The following IL1RAPL2 variants were observed in gnomAD, a reference collection of about 807,000 sequenced individuals.
IL1RAPL2 encodes the protein X-linked interleukin-1 receptor accessory protein-like 2.
In IL1RAPL2, 3 loss-of-function variants were observed where a neutral mutation model predicts 44.1. That is an observed-to-expected ratio of 0.07 (90% CI 0.03 to 0.18). IL1RAPL2 has a LOEUF of 0.18. Among genes scored for constraint, IL1RAPL2 ranks in the 10% least tolerant of loss-of-function variants. IL1RAPL2 has a pLI of 1.00. For synonymous variants in IL1RAPL2, 181 were observed against 178.8 expected, an observed-to-expected ratio of 1.01 and a Z score of -0.10; for missense variants, 391 against 496.4, an observed-to-expected ratio of 0.79 and a Z score of 2.02.
At chrX:105,689,769 G>A (rs934986899) in intron 6 of IL1RAPL2, among the ~76,000 whole-genome samples, 2 of 112,055 alleles carry the variant, frequency 1.8e-5, no homozygotes, top group South Asian at 3.7e-4. Flanking sequence ...ACATGCACAC[G>A]TATGTTTACT....
chrX:104,585,273 A>ATATAT (rs1928500030), intron 1 of IL1RAPL2, among the ~76,000 whole-genome samples: 2 of 17,302 alleles, frequency 1.2e-4, no homozygotes, highest in African/African-American at 1.1e-3. Flanking sequence ...ATAATATATT[A>ATATAT]TATATATTAT....
intron 2 of IL1RAPL2, among the ~76,000 whole-genome samples, chrX:105,033,844 A>G (rs1474549514): frequency 5.4e-5 from 6 of 111,832 alleles, no homozygotes; most frequent in African/African-American, 1.9e-4. Flanking sequence ...CATTCTCCCC[A>G]TCACTTTCAG....
intron 2 of IL1RAPL2, among the ~76,000 whole-genome samples, chrX:105,160,866 G>A (rs1015288436): frequency 7.2e-5 from 8 of 111,625 alleles, no homozygotes; most frequent in East Asian, 2.8e-4. Flanking sequence ...GAAAATTTGC[G>A]CTTCTGGTCA....
At chrX:105,759,060 C>A (rs1325610663) in intron 10 of IL1RAPL2, among the ~76,000 whole-genome samples, 1 of 111,814 alleles carries the variant, frequency 8.9e-6, no homozygotes, top group African/African-American at 3.3e-5. Flanking sequence ...CAATTGAGAT[C>A]CTGAGATTGG....
chrX:104,922,374 A>G (rs1924668124), intron 2 of IL1RAPL2, among the ~76,000 whole-genome samples: 1 of 112,779 alleles, frequency 8.9e-6, no homozygotes, highest in Admixed American at 9.3e-5. Context: ...ACTGGCCACT[A>G]GGGTGAACTG....
intron 6 of IL1RAPL2, among the ~76,000 whole-genome samples, chrX:105,521,104 T>A (rs2036554321): frequency 9.6e-6 from 1 of 103,724 alleles, no homozygotes; most frequent in Middle Eastern, 4.8e-3. Flanking sequence ...CCGGCTAATT[T>A]TTTTTTTTTT....
chrX:104,950,581 C>T (rs749034174), intron 2 of IL1RAPL2, among the ~76,000 whole-genome samples: 1 of 112,890 alleles, frequency 8.9e-6, no homozygotes, highest in East Asian at 2.8e-4. Flanking sequence ...TGGCTGCCGC[C>T]TTGCAGTTTG....
chrX:105,470,893 C>T (rs1367281780), intron 5 of IL1RAPL2, among the ~76,000 whole-genome samples: 1 of 111,553 alleles, frequency 9.0e-6, no homozygotes, highest in Non-Finnish European at 1.9e-5. Context: ...ATCTACCCTA[C>T]TCTCACTTCT....
chrX:105,196,538 A>G (rs1326915933), intron 3 of IL1RAPL2, among the ~76,000 whole-genome samples: 4 of 111,554 alleles, frequency 3.6e-5, no homozygotes, highest in Non-Finnish European at 3.8e-5. Flanking sequence ...AGAATTTGCA[A>G]TGCAAATTTG....
intron 2 of IL1RAPL2, among the ~76,000 whole-genome samples, chrX:105,030,902 A>G (rs1015736283): frequency 1.6e-4 from 18 of 111,231 alleles, no homozygotes; most frequent in African/African-American, 4.6e-4. Flanking sequence ...ATTTGTTTGT[A>G]TCCTCTTTTA....
In IL1RAPL2 at chrX:104,904,459, C is replaced by G. The variant is rs1177433103; in HGVS notation, c.82+245464C>G. ...CAATGCTATCCCTCCCCCCTCCCCC[C>G]ACCCCACAACAGTCCCCAGAGTGTG... On this transcript the variant is annotated intron_variant, in intron 2 of 10. Coordinates refer to ENST00000372582, the MANE Select transcript of IL1RAPL2 (RefSeq NM_017416.2). Among the ~76,000 whole-genome samples the G allele has an allele frequency of 7.2e-3, 517 of 71,948 alleles. 10 individuals carry two copies. Among genetic ancestry groups the G allele is most frequent in the African/African-American group, 0.025 (481 of 19,083 alleles). The allele number at this position is 71,948 out of a possible 115,157, so 62.5% of individuals were successfully genotyped here.
intron 2 of IL1RAPL2, among the ~76,000 whole-genome samples, chrX:104,923,398 G>A (rs1924694002): frequency 9.0e-6 from 1 of 111,647 alleles, no homozygotes; most frequent in South Asian, 3.7e-4. Context: ...AATCTTAAAA[G>A]CAGCTAAAGA....
chrX:105,032,345 CT>C (rs2031519815), intron 2 of IL1RAPL2, among the ~76,000 whole-genome samples: 3 of 107,821 alleles, frequency 2.8e-5, no homozygotes, highest in Admixed American at 2.0e-4. Context: ...ATCTTTCCTG[CT>C]TTCTCTTGTG....
At chrX:104,786,892 C>T (rs1420943474) in intron 2 of IL1RAPL2, among the ~76,000 whole-genome samples, 1 of 94,745 alleles carries the variant, frequency 1.1e-5, no homozygotes, top group Non-Finnish European at 2.1e-5. Flanking sequence ...GTAAGAATTC[C>T]CTCTCTCATT....
intron 3 of IL1RAPL2, among the ~76,000 whole-genome samples, chrX:105,197,122 GTC>G (rs782412057): frequency 7.1e-4 from 79 of 111,240 alleles, no homozygotes; most frequent in African/African-American, 2.4e-3. Flanking sequence ...GGTGAGTTTA[GTC>G]TCTGTTTGTG....
intron 5 of IL1RAPL2, among the ~76,000 whole-genome samples, chrX:105,399,654 G>A (rs1281681545): frequency 9.0e-6 from 1 of 111,265 alleles, no homozygotes; most frequent in Non-Finnish European, 1.9e-5. Flanking sequence ...AGGCAAATTT[G>A]CCAGTCTACT....
At chrX:105,133,047 G>A (rs943215276) in intron 2 of IL1RAPL2, among the ~76,000 whole-genome samples, 7 of 111,790 alleles carry the variant, frequency 6.3e-5, no homozygotes, top group African/African-American at 1.6e-4. Context: ...GTTGAGATTC[G>A]GAATCACCAC....
chrX:105,005,932 T>C (rs1321298213), intron 2 of IL1RAPL2, among the ~76,000 whole-genome samples: 2 of 110,765 alleles, frequency 1.8e-5, no homozygotes. Flanking sequence ...TCTCCAAAAG[T>C]AATAATTTCT....
chrX:105,295,473 C>A (rs1416054395), intron 5 of IL1RAPL2, among the ~76,000 whole-genome samples: 1 of 111,869 alleles, frequency 8.9e-6, no homozygotes, highest in Non-Finnish European at 1.9e-5. Flanking sequence ...TAAAGTGAAT[C>A]CTGTGACCTA....
Sources: allele counts gnomAD v4.1 joint callset (sites outside exome capture counted in the v4.1 genomes callset), GRCh38; gene constraint gnomAD v4.1.1; transcripts MANE v1.5; gene names NCBI Gene and HGNC (gene_info 2026-07-23, HGNC 2026-07-21).